KLHL12: variants seen among roughly 807,000 people sequenced by gnomAD.
The protein encoded by KLHL12 is kelch-like protein 12.
KLHL12 carries 17 observed loss-of-function variants against 60.8 expected under a neutral mutation model. The ratio of observed to expected loss-of-function variants is 0.28; its 90% CI spans 0.19 to 0.42. The LOEUF is 0.42. Among genes scored for constraint, KLHL12 ranks in the 10% least tolerant of loss-of-function variants. The pLI is 1.00. For synonymous variants in KLHL12, 220 were observed against 250.9 expected, an observed-to-expected ratio of 0.88 and a Z score of 1.16; for missense variants, 468 against 722.3, an observed-to-expected ratio of 0.65 and a Z score of 4.04.
At chr1:202,921,277 C>T (rs1278076196) in intron 2 of KLHL12, among the ~76,000 whole-genome samples, 3 of 151,764 alleles carry the variant, frequency 2.0e-5, no homozygotes, top group East Asian at 1.9e-4. Context: ...CAGGTTCAAG[C>T]GATTCTCCTG....
At chr1:202,906,606 C>A (rs1660199841) in intron 6 of KLHL12, among the ~76,000 whole-genome samples, 1 of 151,808 alleles carries the variant, frequency 6.6e-6, no homozygotes, top group Non-Finnish European at 1.5e-5. Context: ...CATGAGTCAA[C>A]TGTACATGTA....
chr1:202,898,692 A>G lies in KLHL12; in HGVS notation c.833-1732T>C, dbSNP rs1282521324. On this transcript the variant is annotated intron_variant, in intron 6 of 11. Transcript: ENST00000367261. Reference sequence around the variant, plus strand: ...ATGTGGGAAATTCTACAGGTCGAACAGCTTGGCTTCTTCAAGAAATAAACT... The same window carrying G: ...ATGTGGGAAATTCTACAGGTCGAACGGCTTGGCTTCTTCAAGAAATAAACT... 2.6e-5 allele frequency among the ~76,000 whole-genome samples: 4 copies of G among 152,290 alleles called. No individual in the cohort carries two copies. The East Asian group carries it at 7.7e-4, about 29-fold the overall frequency.
Position 202,892,372 on chromosome 1 carries a change from G to A in KLHL12, c.*161C>T, listed in dbSNP as rs1260505149. ...CCTTCTCAGGAACAAGAACCAGGAC[G>A]ACGGGGAGTATGTGTCAAATAAGTA... is the stretch of plus-strand genomic sequence containing the variant. On this transcript the variant is annotated 3_prime_UTR_variant, in exon 12 of 12. Transcript: ENST00000367261. 1.9e-5 allele frequency: 13 copies of A among 676,658 alleles called. No homozygotes were observed. Among genetic ancestry groups the A allele is most frequent in the Middle Eastern group, 4.3e-4 (1 of 2,314 alleles). 41.9% of individuals were successfully genotyped at this position (676,658 alleles called of 1,614,324 possible).
At chr1:202,924,218 AC>A (rs1221627240) in intron 2 of KLHL12, among the ~76,000 whole-genome samples, 4 of 152,184 alleles carry the variant, frequency 2.6e-5, no homozygotes, top group African/African-American at 9.7e-5. Flanking sequence ...TCTCAAGCCA[AC>A]CTTTTCCTAA....
chr1:202,924,605 A>G (rs1055073562), intron 2 of KLHL12, among the ~76,000 whole-genome samples: 3 of 152,202 alleles, frequency 2.0e-5, no homozygotes, highest in African/African-American at 7.2e-5. Context: ...ACAAATAAAT[A>G]AATAAAATTA....
intron 2 of KLHL12, among the ~76,000 whole-genome samples, chr1:202,924,671 T>C (rs1032586538): frequency 2.0e-5 from 3 of 152,206 alleles, no homozygotes; most frequent in Non-Finnish European, 4.4e-5. Context: ...TAAAATCCAA[T>C]AGCTGACATG....
At chr1:202,911,234 C>T (rs764261228) in intron 4 of KLHL12, 31 bp from the exon 5 acceptor site, 77 of 1,610,144 alleles carry the variant, frequency 4.8e-5, no homozygotes, top group Non-Finnish European at 6.2e-5. Context: ...ACCGTGGATC[C>T]TACTTTTCCA....
At chr1:202,926,544 G>A (rs1161167824) in intron 1 of KLHL12, among the ~76,000 whole-genome samples, 1 of 152,164 alleles carries the variant, frequency 6.6e-6, no homozygotes, top group African/African-American at 2.4e-5. Flanking sequence ...TGCAACTCTA[G>A]GGGTGTAAAA....
intron 1 of KLHL12, 76 bp from the exon 2 acceptor site, chr1:202,925,283 A>G (rs973549957): frequency 1.2e-5 from 18 of 1,474,742 alleles, no homozygotes; most frequent in Non-Finnish European, 1.6e-5. Flanking sequence ...AGCTTTACAA[A>G]TTAAGAACCT....
chr1:202,924,761 C>T lies in KLHL12; in HGVS notation c.195+207G>A, dbSNP rs1653442649. ...ATAATCTTCACAACAACCTTAATAA[C>T]CATGTGTTACATATTACTATTATCC... On this transcript the variant is annotated intron_variant, in intron 2 of 11. Transcript: ENST00000367261. 2.6e-5 allele frequency among the ~76,000 whole-genome samples: 4 copies of T among 152,184 alleles called. No homozygotes were observed. In the South Asian group the frequency reaches 6.2e-4, roughly 24 times the overall value.
chr1:202,893,365 G>T lies in KLHL12; in HGVS notation c.1454C>A (p.Ala485Asp). 1 of 1,614,020 alleles carries T rather than the reference G, an allele frequency of 6.2e-7. No individual in the cohort carries two copies. Among genetic ancestry groups the T allele is most frequent in the Non-Finnish European group, 8.5e-7 (1 of 1,179,918 alleles). The part of the protein sequence containing the change: ...IYVVGGFDGT[A>D]HLSSVEAYNI... ...GTATGCTTCAACGGAAGAAAGGTGG[G>T]CTGTACCATCAAATCCCCCCACCAC... The change falls in exon 11 of 12, where the codon GCC becomes GAC. Residue 485 changes from alanine to aspartate, a missense_variant. Transcript: ENST00000367261. The surrounding 1 kb of genome is among the most constrained non-coding windows in gnomAD (Gnocchi z 4.1).
intron 2 of KLHL12, among the ~76,000 whole-genome samples, chr1:202,922,494 T>A (rs1367165090): frequency 6.6e-6 from 1 of 151,522 alleles, no homozygotes; most frequent in African/African-American, 2.4e-5. Flanking sequence ...CCAAGACTTT[T>A]TTTTTTTTTT....
intron 6 of KLHL12, among the ~76,000 whole-genome samples, chr1:202,906,623 G>T (rs970656293): frequency 4.6e-5 from 7 of 151,922 alleles, no homozygotes; most frequent in Non-Finnish European, 7.4e-5. Flanking sequence ...TGTAAAAATG[G>T]TTAAGATGGT....
intron 6 of KLHL12, among the ~76,000 whole-genome samples, chr1:202,906,455 CAA>C (rs59435824): frequency 0.027 from 1,430 of 52,672 alleles, 20 homozygotes; most frequent in Admixed American, 0.083. Flanking sequence ...CGCTTCGTCT[CAA>C]AAAAAAAAAA....
At chr1:202,921,778 T>C (rs577778366) in intron 2 of KLHL12, among the ~76,000 whole-genome samples, 83 of 152,324 alleles carry the variant, frequency 5.4e-4, no homozygotes, top group African/African-American at 1.9e-3. Flanking sequence ...AATCTTAGTT[T>C]AGAAATTCAT....
At chr1:202,919,309 C>T (rs1193433902) in intron 3 of KLHL12, among the ~76,000 whole-genome samples, 1 of 152,092 alleles carries the variant, frequency 6.6e-6, no homozygotes, top group East Asian at 1.9e-4. Context: ...CACCTGTAAT[C>T]CTGTGAAAAT....
rs1316814544 is a variant in KLHL12, at chr1:202,909,001, C to T, written c.832+9G>A. ...AGCATCCCCTCATTCTGCCGAGATACCAGCTTACCTAGGCGAGCCCTTGTC... is the reference window on the plus strand; with the variant it reads ...AGCATCCCCTCATTCTGCCGAGATATCAGCTTACCTAGGCGAGCCCTTGTC... On this transcript the variant is annotated intron_variant, in intron 6 of 11. Transcript: ENST00000367261. The surrounding 1 kb of genome is among the most constrained non-coding windows in gnomAD (Gnocchi z 4.1). 3 of 1,575,298 alleles carry T rather than the reference C, an allele frequency of 1.9e-6. No individual in the cohort carries two copies. The highest frequency in any genetic ancestry group is 2.2e-5 in the East Asian group (1 of 44,646).
Position 202,891,829 on chromosome 1 carries a change from T to C in KLHL12, c.*704A>G, listed in dbSNP as rs1659685135. 6.6e-6 allele frequency: 1 copy of C among 152,226 alleles called. No homozygotes were observed. Among genetic ancestry groups the C allele is most frequent in the Admixed American group, 6.5e-5 (1 of 15,270 alleles). 9.4% of individuals were successfully genotyped at this position (152,226 alleles called of 1,614,324 possible). A position where few individuals can be genotyped will look rare whatever the true frequency, so the allele number is the denominator to read the frequency against. ...GGAAATAAAAAGATCCTTCAAATAATATACCCTTCTCAGTCTTCCAGGTTA... is the reference window on the plus strand; with the variant it reads ...GGAAATAAAAAGATCCTTCAAATAACATACCCTTCTCAGTCTTCCAGGTTA... On this transcript the variant is annotated 3_prime_UTR_variant, in exon 12 of 12. Coordinates refer to ENST00000367261, the MANE Select transcript of KLHL12 (RefSeq NM_021633.4).
chr1:202,893,538 T>G lies in KLHL12; in HGVS notation c.1394-113A>C, dbSNP rs1171602228. ...TGAGTTCTACAGTAGATGAGGGATA[T>G]GGAATGGGCCCACACGGGCCTAGAA... On this transcript the variant is annotated intron_variant, in intron 10 of 11. Coordinates refer to ENST00000367261, the MANE Select transcript of KLHL12 (RefSeq NM_021633.4). The surrounding 1 kb of genome is among the most constrained non-coding windows in gnomAD (Gnocchi z 4.1). 1.2e-6 allele frequency: 1 copy of G among 853,346 alleles called. No individual in the cohort carries two copies. Among genetic ancestry groups the G allele is most frequent in the African/African-American group, 1.7e-5 (1 of 57,796 alleles). 52.9% of individuals were successfully genotyped at this position (853,346 alleles called of 1,614,324 possible).
Sources: gnomAD v4.1 joint callset for allele counts (sites outside exome capture counted in the v4.1 genomes callset) on GRCh38, gnomAD v4.1.1 for gene constraint, Gnocchi (gnomAD v3.1) non-coding constraint, MANE v1.5 for transcripts, NCBI Gene and HGNC (gene_info 2026-07-23, HGNC 2026-07-21) for gene names.